Variants in ITGB1 observed in about 807,000 individuals in gnomAD.
The protein encoded by ITGB1 is integrin beta-1.
A neutral mutation model predicts 86.5 loss-of-function variants in ITGB1; 24 were observed. That is an observed-to-expected ratio of 0.28 (90% CI 0.20 to 0.39). The LOEUF is 0.39. ITGB1 is among the 10% of genes least tolerant of loss of function. ITGB1 has a pLI of 1.00. For synonymous variants in ITGB1, 323 were observed against 316.8 expected, an observed-to-expected ratio of 1.02 and a Z score of -0.21; for missense variants, 556 against 946.9, an observed-to-expected ratio of 0.59 and a Z score of 5.42.
chr10:32,912,274 G>C (rs2094915815), intron 11 of ITGB1, 150 bp from the exon 12 acceptor site: 3 of 658,036 alleles, frequency 4.6e-6, no homozygotes, highest in East Asian at 2.7e-5. Context: ...TGAGGTACTG[G>C]GTTCATCTCA....
chr10:32,906,049 TACAC>T (rs1321538928), intron 15 of ITGB1, among the ~76,000 whole-genome samples: 10 of 151,872 alleles, frequency 6.6e-5, no homozygotes, highest in African/African-American at 1.2e-4. Context: ...CATTCTCACA[TACAC>T]ACACAGACAC....
rs867436460 is a variant in ITGB1, at chr10:32,949,767, G to C, written c.-1+8378C>G. Reference sequence around the variant, plus strand: ...ACTAATCTTTATCCATAAAAGTATGGTTTTATATCATGTTCAAACTTTTAA... The same window carrying C: ...ACTAATCTTTATCCATAAAAGTATGCTTTTATATCATGTTCAAACTTTTAA... On this transcript the variant is annotated intron_variant, in intron 1 of 15. Coordinates refer to ENST00000302278, the MANE Select transcript of ITGB1 (RefSeq NM_002211.4). Among the ~76,000 whole-genome samples the C allele has an allele frequency of 9.9e-5, 15 of 152,002 alleles. No homozygotes were observed. The Middle Eastern group carries it at 0.014, about 138-fold the overall frequency.
Position 32,911,549 on chromosome 10 carries a change from C to A in ITGB1, c.1830G>T (p.Arg610=). The A allele has an allele frequency of 6.2e-7, 1 of 1,614,112 alleles. No homozygotes were observed. ...EASNGQICNG[R]GICECGVCKC... is the part of the protein sequence containing the mutation. The stretch of plus-strand genomic sequence containing the variant: ...TACAGACACCACACTCGCAGATGCC[C>A]CGGCCATTGCAGATCTGTCCGTTGC... The change falls in exon 13 of 16, where the codon CGG becomes CGT. Residue 610 remains arginine, a synonymous_variant. Coordinates refer to ENST00000302278, the MANE Select transcript of ITGB1 (RefSeq NM_002211.4).
intron 1 of ITGB1, among the ~76,000 whole-genome samples, chr10:32,938,872 C>A (rs1004256640): frequency 3.3e-5 from 5 of 152,132 alleles, no homozygotes; most frequent in African/African-American, 1.2e-4. Flanking sequence ...GGAGAGGAGA[C>A]CACAGTTAGA....
At position 32,956,046 on chromosome 10, in the gene ITGB1, C is replaced by T. The variant is rs770017767; in HGVS notation, c.-1+2099G>A. Among the ~76,000 whole-genome samples, 9 of 152,194 alleles carry T rather than the reference C, an allele frequency of 5.9e-5. No homozygotes were observed. In the South Asian group the frequency reaches 6.2e-4, roughly 10 times the overall value. On this transcript the variant is annotated intron_variant, in intron 1 of 15. Coordinates refer to ENST00000302278, the MANE Select transcript of ITGB1 (RefSeq NM_002211.4). The stretch of plus-strand genomic sequence containing the variant: ...CTTTTAACTAGCATTCTAATAACAT[C>T]TTCCACCTTCATACTCAATTTTGGG...
chr10:32,911,400 G>A (rs1475741983), intron 13 of ITGB1, 48 bp downstream of exon 13: 3 of 1,487,282 alleles, frequency 2.0e-6, no homozygotes, highest in Non-Finnish European at 2.8e-6. Context: ...AGGCTTAGGA[G>A]AGCCAAGAGG....
chr10:32,926,321 G>A (rs963092525), intron 5 of ITGB1, among the ~76,000 whole-genome samples: 5 of 152,186 alleles, frequency 3.3e-5, no homozygotes, highest in Non-Finnish European at 7.4e-5. Flanking sequence ...TAGATCATGA[G>A]GGCAGAGCCC....
chr10:32,942,749 A>G (rs377115635), intron 1 of ITGB1, among the ~76,000 whole-genome samples: 50 of 144,782 alleles, frequency 3.5e-4, no homozygotes, highest in African/African-American at 1.2e-3. Flanking sequence ...CAGTGGTGTG[A>G]TCACATCTCA....
chr10:32,922,221 A>C, intron 9 of ITGB1, 36 bp downstream of exon 9: 3 of 1,236,404 alleles, frequency 2.4e-6, no homozygotes, highest in Non-Finnish European at 3.5e-6. Context: ...TCAACAGGGT[A>C]TTGTCCAAAA....
At chr10:32,908,905 G>A (rs184646022) in intron 14 of ITGB1, among the ~76,000 whole-genome samples, 3 of 152,282 alleles carry the variant, frequency 2.0e-5, no homozygotes, top group East Asian at 3.9e-4. Context: ...AATAAATGGA[G>A]AGATATTCCA....
chr10:32,911,349 A>C, intron 13 of ITGB1, 99 bp downstream of exon 13: 1 of 994,716 alleles, frequency 1.0e-6, no homozygotes, highest in Non-Finnish European at 1.5e-6. Flanking sequence ...TATTTACAGT[A>C]TATTTTAATA....
chr10:32,901,453 C>T lies in ITGB1; in HGVS notation c.*117G>A, dbSNP rs199630493. On this transcript the variant is annotated 3_prime_UTR_variant, in exon 16 of 16. Transcript: ENST00000302278. ...CATTTTAAAAATTATACATATTGTA[C>T]ATTTTCAAAACCTGCACATGAGTAA... The T allele has an allele frequency of 1.5e-6, 1 of 665,370 alleles. No homozygotes were observed. The highest frequency in any genetic ancestry group is 1.9e-5 in the African/African-American group (1 of 53,780). The allele number at this position is 665,370 out of a possible 1,614,324, so 41.2% of individuals were successfully genotyped here. A position where few individuals can be genotyped will look rare whatever the true frequency, so the allele number is the denominator to read the frequency against.
chr10:32,928,114 ATCC>A lies in ITGB1; in HGVS notation c.524_526del (p.Arg175del), dbSNP rs751489253. ...CCTACCAATTCTGAAGTCCGAAGTA[ATCC>A]TCCTCATTTCATTCATCAGATCTGT... On this transcript the variant is annotated inframe_deletion, in exon 5 of 16. Coordinates refer to ENST00000302278, the MANE Select transcript of ITGB1 (RefSeq NM_002211.4). The A allele has an allele frequency of 6.3e-7, 1 of 1,593,820 alleles. No individual in the cohort carries two copies. Among genetic ancestry groups the A allele is most frequent in the Non-Finnish European group, 8.6e-7 (1 of 1,167,308 alleles).
intron 1 of ITGB1, among the ~76,000 whole-genome samples, chr10:32,950,791 T>A (rs1248609987): frequency 1.3e-5 from 2 of 152,216 alleles, no homozygotes; most frequent in Non-Finnish European, 2.9e-5. Context: ...CAACAAAGGT[T>A]TGGCTGCTCC....
chr10:32,944,577 T>C, intron 1 of ITGB1: 1 of 510,322 alleles, frequency 2.0e-6, no homozygotes, highest in Non-Finnish European at 3.8e-6. Flanking sequence ...CAAAGGAAAC[T>C]CATCCGAGAT....
intron 11 of ITGB1, among the ~76,000 whole-genome samples, chr10:32,918,667 A>G (rs1044346786): frequency 1.2e-4 from 18 of 152,344 alleles, no homozygotes; most frequent in African/African-American, 3.8e-4. Context: ...TGAATGACAC[A>G]TGTGGAAAGG....
intron 13 of ITGB1, 102 bp from the exon 14 acceptor site, chr10:32,910,557 A>C: frequency 1.4e-6 from 1 of 698,038 alleles, no homozygotes; most frequent in Non-Finnish European, 2.4e-6. Flanking sequence ...CAAATTGAAC[A>C]AACAGCTATG....
chr10:32,903,351 CAAAAA>C (rs35559257), intron 15 of ITGB1, among the ~76,000 whole-genome samples: 12 of 57,032 alleles, frequency 2.1e-4, no homozygotes, highest in Admixed American at 4.9e-4. Flanking sequence ...GACTCCATCT[CAAAAA>C]AAAAAAAAAA....
chr10:32,926,674 G>C (rs1445338246), intron 5 of ITGB1, among the ~76,000 whole-genome samples: 3 of 152,152 alleles, frequency 2.0e-5, no homozygotes, highest in African/African-American at 7.2e-5. Flanking sequence ...AGAGCTTGCA[G>C]GACCGTAAAC....
Sources: allele counts gnomAD v4.1 joint callset (sites outside exome capture counted in the v4.1 genomes callset), GRCh38; gene constraint gnomAD v4.1.1; transcripts MANE v1.5; gene names NCBI Gene and HGNC (gene_info 2026-07-23, HGNC 2026-07-21).